Variants in ABCA13 observed in about 807,000 individuals in gnomAD.
ABCA13 encodes ATP binding cassette subfamily A member 13.
ABCA13 carries 476 observed loss-of-function variants against 478.7 expected under a neutral mutation model. The ratio of observed to expected loss-of-function variants is 0.99; its 90% CI spans 0.92 to 1.07. The LOEUF (loss-of-function observed/expected upper bound fraction) is 1.07, where lower values mean the gene tolerates loss of function less well. Among genes scored for constraint, ABCA13 ranks in the 50% least tolerant of loss-of-function variants. The pLI is 0.00. For missense variants in ABCA13, 6,060 were observed against 5,910.6 expected (o/e 1.03, Z -0.83); for synonymous variants, 2,252 against 2,158.9 (o/e 1.04, Z -1.20).
At chr7:48,442,930 G>A (rs1361537259) in intron 42 of ABCA13, among the ~76,000 whole-genome samples, 2 of 152,178 alleles carry the variant, frequency 1.3e-5, no homozygotes, top group African/African-American at 4.8e-5. Context: ...TTCCCTGTTT[G>A]TTGAAGTCTT....
rs979943320 is a variant in ABCA13 at position 48,279,126 on chromosome 7, T to C, written c.7932T>C (p.Ser2644=). 5.0e-6 allele frequency: 8 copies of C among 1,609,474 alleles called. No individual in the cohort carries two copies. In the East Asian group the frequency reaches 1.1e-4, roughly 22 times the overall value. ...ILEEIAEFLT[S]VKMNLEDMRS... Reference sequence around the variant, plus strand: ...AAGAAATTGCTGAATTTTTAACATCTGTGAAAATGAACTTGGAAGATATGA... The same window carrying C: ...AAGAAATTGCTGAATTTTTAACATCCGTGAAAATGAACTTGGAAGATATGA... Residue 2644 remains serine, a synonymous_variant, in exon 18 of 62, where the codon TCT becomes TCC. Coordinates refer to ENST00000435803, the MANE Select transcript of ABCA13 (RefSeq NM_152701.5).
chr7:48,243,132 C>T (rs112695997), intron 10 of ABCA13: 2,181 of 152,390 alleles, frequency 0.014, 21 homozygotes, highest in Middle Eastern at 0.054. Flanking sequence ...AGGACTCACC[C>T]TTCAATGTCG....
intron 47 of ABCA13, among the ~76,000 whole-genome samples, chr7:48,487,308 C>CAAAAA (rs201286870): frequency 9.0e-6 from 1 of 110,902 alleles, no homozygotes. Flanking sequence ...AACTGTGTCT[C>CAAAAA]AAAAAAAAAA....
chr7:48,415,687 A>G (rs1251500556), intron 41 of ABCA13, among the ~76,000 whole-genome samples: 1 of 152,324 alleles, frequency 6.6e-6, no homozygotes, highest in African/African-American at 2.4e-5. Flanking sequence ...AAGAAGAGTG[A>G]AATTTTGTGG....
chr7:48,611,808 A>T (rs117544739), intron 58 of ABCA13: 2 of 152,210 alleles, frequency 1.3e-5, no homozygotes, highest in Non-Finnish European at 2.9e-5. Context: ...AACTATGTTT[A>T]AGAAACTAAT....
At chr7:48,644,947 A>G (rs1795343278) in intron 61 of ABCA13, among the ~76,000 whole-genome samples, 193 bp downstream of exon 61, 1 of 152,154 alleles carries the variant, frequency 6.6e-6, no homozygotes, top group Non-Finnish European at 1.5e-5. Context: ...TACTTAAGAT[A>G]GATATTCAGT....
chr7:48,433,101 A>G (rs988456313), intron 42 of ABCA13, among the ~76,000 whole-genome samples: 30 of 152,124 alleles, frequency 2.0e-4, no homozygotes, highest in African/African-American at 7.0e-4. Flanking sequence ...ATAATAATAA[A>G]CAAATAATAG....
intron 39 of ABCA13, among the ~76,000 whole-genome samples, chr7:48,406,875 A>T (rs979372364): frequency 6.6e-5 from 10 of 151,768 alleles, no homozygotes; most frequent in Admixed American, 5.3e-4. Context: ...TCCATCTCAA[A>T]AAATAAATAA....
At chr7:48,355,227 T>C (rs988642630) in intron 31 of ABCA13, among the ~76,000 whole-genome samples, 5 of 151,802 alleles carry the variant, frequency 3.3e-5, no homozygotes, top group African/African-American at 1.2e-4. Flanking sequence ...ATGGAATTGT[T>C]AATGTGGATG....
chr7:48,432,318 T>A (rs1304492392), intron 42 of ABCA13, among the ~76,000 whole-genome samples: 1 of 152,084 alleles, frequency 6.6e-6, no homozygotes, highest in Non-Finnish European at 1.5e-5. Flanking sequence ...AGACAAAAGA[T>A]AACACATGCT....
Position 48,350,687 on chromosome 7 carries a change from T to G in ABCA13, c.10249T>G (p.Phe3417Val). 1.2e-6 allele frequency: 2 copies of G among 1,613,974 alleles called. No homozygotes were observed. The highest frequency in any genetic ancestry group is 1.7e-6 in the Non-Finnish European group (2 of 1,179,858). The change falls in exon 30 of 62, where the codon TTC becomes GTC. Residue 3417 changes from phenylalanine to valine, a missense_variant. Phe to Val is a conservative substitution (Grantham distance 50). This residue lies in a region of ABCA13 where 4,423 missense variants were observed against 4,309.1 expected (regional missense o/e 1.03). Transcript: ENST00000435803. ...GTTTAACCATGCAGGCGCTGGACGC[T>G]TCCGTTTCTTGGGCAGCATCTTGGT... The part of the protein sequence containing the change: ...EMFNHAGAGR[F>V]RFLGSILVNL...
rs1436821304 is a variant in ABCA13, at chr7:48,412,337, T to C, written c.12229-16T>C. 2 of 1,565,960 alleles carry C rather than the reference T, an allele frequency of 1.3e-6. No homozygotes were observed. Among genetic ancestry groups the C allele is most frequent in the Non-Finnish European group, 1.7e-6 (2 of 1,151,618 alleles). ...CATTCCTTACTGGCTTCTTTTTTCCTTTTTTTTATGGATAGCCTTCTGTTC... is the reference window on the plus strand; with the variant it reads ...CATTCCTTACTGGCTTCTTTTTTCCCTTTTTTTATGGATAGCCTTCTGTTC... On this transcript the variant is annotated splice_polypyrimidine_tract_variant and intron_variant, in intron 40 of 61. Coordinates refer to ENST00000435803, the MANE Select transcript of ABCA13 (RefSeq NM_152701.5).
intron 42 of ABCA13, among the ~76,000 whole-genome samples, chr7:48,438,009 T>A (rs1823072367): frequency 6.6e-6 from 1 of 152,070 alleles, no homozygotes; most frequent in South Asian, 2.1e-4. Context: ...ACGCCTGCAC[T>A]CCTCCTTTAG....
intron 14 of ABCA13, 134 bp from the exon 15 acceptor site, chr7:48,249,078 A>G: frequency 4.1e-6 from 3 of 733,934 alleles, no homozygotes; most frequent in South Asian, 5.1e-5. Flanking sequence ...GAACTATTTG[A>G]AAGATTCTAT....
At position 48,314,601 on chromosome 7, in the gene ABCA13, A is replaced by G. The variant is rs547784009; in HGVS notation, c.9859+192A>G. Among the ~76,000 whole-genome samples the G allele has an allele frequency of 7.9e-5, 12 of 152,268 alleles. No individual in the cohort carries two copies. The East Asian group carries it at 2.1e-3, about 27-fold the overall frequency. On this transcript the variant is annotated intron_variant, in intron 26 of 61. Transcript: ENST00000435803. ...GTTCTAGTGCCTTTGAGCACAGACA[A>G]ATCCTCTCACCTGAGTCACTAAGGA...
intron 43 of ABCA13, among the ~76,000 whole-genome samples, chr7:48,465,290 G>C (rs1282309390): frequency 6.6e-6 from 1 of 152,126 alleles, no homozygotes; most frequent in Non-Finnish European, 1.5e-5. Context: ...CTATGTGTAC[G>C]GTCACACTGA....
intron 3 of ABCA13, among the ~76,000 whole-genome samples, chr7:48,218,948 A>G (rs1316976762): frequency 6.6e-6 from 1 of 152,236 alleles, no homozygotes; most frequent in Non-Finnish European, 1.5e-5. Flanking sequence ...ATGGAATTAA[A>G]AAACTAAAAC....
intron 39 of ABCA13, among the ~76,000 whole-genome samples, chr7:48,406,288 G>T (rs150080898): frequency 6.6e-6 from 1 of 152,306 alleles, no homozygotes; most frequent in Non-Finnish European, 1.5e-5. Context: ...GTATGCACTT[G>T]CTCTACAAAT....
chr7:48,346,885 G>A (rs1808195657), intron 29 of ABCA13, among the ~76,000 whole-genome samples: 1 of 152,246 alleles, frequency 6.6e-6, no homozygotes, highest in African/African-American at 2.4e-5. Context: ...TCCTGGAGCA[G>A]TGACAGCAGG....
Sources: allele counts gnomAD v4.1 joint callset (sites outside exome capture counted in the v4.1 genomes callset), GRCh38; gene constraint gnomAD v4.1.1; regional missense constraint gnomAD v4.1.1; transcripts MANE v1.5; gene names NCBI Gene and HGNC (gene_info 2026-07-23, HGNC 2026-07-21).